Variants in ARHGEF11 observed in about 807,000 individuals in gnomAD.
ARHGEF11 encodes the protein Rho guanine nucleotide exchange factor 11.
Under a neutral mutation model 193.7 loss-of-function variants are expected in ARHGEF11, and 55 were observed. That is an observed-to-expected ratio of 0.28 (90% CI 0.23 to 0.36). The LOEUF is 0.36. Ranked by LOEUF, ARHGEF11 falls within the 10% of genes least tolerant of loss-of-function variation. The pLI is 1.00. For synonymous variants in ARHGEF11, 693 were observed against 768.0 expected, an observed-to-expected ratio of 0.90 and a Z score of 1.62; for missense variants, 1,723 against 2,005.6, an observed-to-expected ratio of 0.86 and a Z score of 2.69.
Position 156,948,274 on chromosome 1 carries a change from C to T in ARHGEF11, c.2105+45G>A. 6.2e-7 allele frequency: 1 copy of T among 1,605,074 alleles called. No individual in the cohort carries two copies. The highest frequency in any genetic ancestry group is 8.5e-7 in the Non-Finnish European group (1 of 1,172,770). On this transcript the variant is annotated intron_variant, in intron 23 of 40. Coordinates refer to ENST00000368194, the MANE Select transcript of ARHGEF11 (RefSeq NM_198236.3). The surrounding 1 kb of genome is among the most constrained non-coding windows in gnomAD (Gnocchi z 4.2). ...CTCAGCAACCCTCTATCCTTGCCGCCACCCCTGAGATGTCCATGGGTGCAG... is the reference window on the plus strand; with the variant it reads ...CTCAGCAACCCTCTATCCTTGCCGCTACCCCTGAGATGTCCATGGGTGCAG...
chr1:156,967,747 C>T (rs1391139906), intron 11 of ARHGEF11, among the ~76,000 whole-genome samples: 2 of 152,206 alleles, frequency 1.3e-5, no homozygotes, highest in East Asian at 3.8e-4. Context: ...CTGTTACTCC[C>T]TACAGATGCA....
In ARHGEF11 at chr1:156,935,854, TCC is replaced by T. The variant is rs761550684; in HGVS notation, c.*144_*145del. On this transcript the variant is annotated 3_prime_UTR_variant, in exon 41 of 41. Coordinates refer to ENST00000368194, the MANE Select transcript of ARHGEF11 (RefSeq NM_198236.3). ...GAGCAGACCAAGCAACATGCGGGTC[TCC>T]CCCCGGGCCTTGGCTGGATCCTAGT... 4 of 886,868 alleles carry T rather than the reference TCC, an allele frequency of 4.5e-6. No individual in the cohort carries two copies. The highest frequency in any genetic ancestry group is 5.1e-6 in the Non-Finnish European group (3 of 589,654). The allele number at this position is 886,868 out of a possible 1,614,324, so 54.9% of individuals were successfully genotyped here. A position where few individuals can be genotyped will look rare whatever the true frequency, so the allele number is the denominator to read the frequency against.
At chr1:156,960,551 G>A (rs899165013) in intron 14 of ARHGEF11, 91 bp from the exon 15 acceptor site, 24 of 1,257,506 alleles carry the variant, frequency 1.9e-5, no homozygotes, top group Non-Finnish European at 2.4e-5. Context: ...TTGGCCACAT[G>A]AACTTCTTGC....
chr1:156,937,228 C>T, intron 39 of ARHGEF11, 21 bp downstream of exon 39: 1 of 1,612,316 alleles, frequency 6.2e-7, no homozygotes, highest in Non-Finnish European at 8.5e-7. Context: ...CCTGCAGGGA[C>T]CCAAGCCCTG....
intron 31 of ARHGEF11, 55 bp from the exon 32 acceptor site, chr1:156,944,157 A>G: frequency 6.3e-7 from 1 of 1,584,212 alleles, no homozygotes; most frequent in Non-Finnish European, 8.6e-7. Context: ...ATCCCTCATG[A>G]GCACAATGCA....
At chr1:156,965,102 T>C (rs1661511680) in intron 11 of ARHGEF11, among the ~76,000 whole-genome samples, 1 of 152,326 alleles carries the variant, frequency 6.6e-6, no homozygotes, top group Non-Finnish European at 1.5e-5. Context: ...TTATTAACAT[T>C]TATTACTACT....
At chr1:157,018,590 A>G (rs1669571861) in intron 1 of ARHGEF11, among the ~76,000 whole-genome samples, 1 of 151,832 alleles carries the variant, frequency 6.6e-6, no homozygotes, top group African/African-American at 2.4e-5. Context: ...GGTTGCAGTG[A>G]GCCGAGATCG....
At chr1:156,994,692 A>C (rs1666237884) in intron 1 of ARHGEF11, among the ~76,000 whole-genome samples, 1 of 152,190 alleles carries the variant, frequency 6.6e-6, no homozygotes, top group South Asian at 2.1e-4. Flanking sequence ...AATATTCAGC[A>C]CACAGGACAT....
chr1:157,011,320 A>G (rs1668512524), intron 1 of ARHGEF11, among the ~76,000 whole-genome samples: 1 of 152,210 alleles, frequency 6.6e-6, no homozygotes, highest in Admixed American at 6.5e-5. Flanking sequence ...CTCACATCAT[A>G]TACAAGAATT....
At chr1:157,016,620 C>A (rs1455662088) in intron 1 of ARHGEF11, among the ~76,000 whole-genome samples, 2 of 152,042 alleles carry the variant, frequency 1.3e-5, no homozygotes, top group Admixed American at 6.6e-5. Context: ...TATTTTTAAG[C>A]GTTTTCATCT....
chr1:157,022,722 T>C (rs2102920721), intron 1 of ARHGEF11, among the ~76,000 whole-genome samples: 1 of 152,332 alleles, frequency 6.6e-6, no homozygotes, highest in African/African-American at 2.4e-5. Flanking sequence ...ATAATAGTCT[T>C]GAAAAAAACT....
At chr1:157,011,408 T>A (rs1318974184) in intron 1 of ARHGEF11, among the ~76,000 whole-genome samples, 1 of 152,150 alleles carries the variant, frequency 6.6e-6, no homozygotes, top group Non-Finnish European at 1.5e-5. Flanking sequence ...TAAATCTTTG[T>A]GACCTTGAGT....
At chr1:157,006,650 G>C (rs773643022) in intron 1 of ARHGEF11, among the ~76,000 whole-genome samples, 2 of 152,184 alleles carry the variant, frequency 1.3e-5, no homozygotes, top group Non-Finnish European at 2.9e-5. Flanking sequence ...GTAACAGCAT[G>C]GGAAGTCAGG....
chr1:156,989,164 C>T (rs1157212247), intron 1 of ARHGEF11, among the ~76,000 whole-genome samples: 1 of 151,942 alleles, frequency 6.6e-6, no homozygotes, highest in African/African-American at 2.4e-5. Context: ...TGGAGAATTT[C>T]CCCCCAAATT....
upstream of ARHGEF11, among the ~76,000 whole-genome samples, chr1:157,046,146 G>A (rs570186659): frequency 2.3e-4 from 35 of 149,860 alleles, no homozygotes; most frequent in Middle Eastern, 3.5e-3. Flanking sequence ...GCGGCCTAGC[G>A]GGTTCCCATC....
intron 4 of ARHGEF11, 82 bp downstream of exon 4, chr1:156,980,355 G>A (rs1468636423): frequency 1.3e-6 from 2 of 1,515,852 alleles, no homozygotes; most frequent in Middle Eastern, 1.7e-4. Flanking sequence ...AGATGAAAGT[G>A]TGCAGGATGG....
At chr1:157,005,008 C>A (rs1459647866) in intron 1 of ARHGEF11, among the ~76,000 whole-genome samples, 1 of 152,204 alleles carries the variant, frequency 6.6e-6, no homozygotes, top group Non-Finnish European at 1.5e-5. Flanking sequence ...AAATCTACCC[C>A]TCTCACAGCT....
At chr1:156,951,853 G>A (rs1400337626) in intron 21 of ARHGEF11, among the ~76,000 whole-genome samples, 154 bp from the exon 22 acceptor site, 1 of 152,134 alleles carries the variant, frequency 6.6e-6, no homozygotes, top group Non-Finnish European at 1.5e-5. Flanking sequence ...TCTGGTCCTG[G>A]CTCTTCTATG....
chr1:156,955,014 T>G (rs1659739854), intron 20 of ARHGEF11, 93 bp from the exon 21 acceptor site: 2 of 1,110,798 alleles, frequency 1.8e-6, no homozygotes, highest in African/African-American at 3.1e-5. Flanking sequence ...GCCAAAAAAT[T>G]AAAAGGTAGT....
Sources: allele counts gnomAD v4.1 joint callset (sites outside exome capture counted in the v4.1 genomes callset), GRCh38; gene constraint gnomAD v4.1.1; non-coding constraint Gnocchi (gnomAD v3.1); transcripts MANE v1.5; gene names NCBI Gene and HGNC (gene_info 2026-07-23, HGNC 2026-07-21).